The following ADGRV1 variants were observed in gnomAD, a reference collection of about 807,000 sequenced individuals.
ADGRV1 encodes adhesion G protein-coupled receptor V1.
ADGRV1 carries 359 observed loss-of-function variants against 596.2 expected under a neutral mutation model. The ratio of observed to expected loss-of-function variants is 0.60; its 90% CI spans 0.55 to 0.66. ADGRV1 has a LOEUF of 0.66. Ranked by LOEUF, ADGRV1 falls within the 30% of genes least tolerant of loss-of-function variation. The probability of loss-of-function intolerance (pLI) is 0.00; values close to 1 mark genes in which losing one functional copy is unlikely to be tolerated. For synonymous variants in ADGRV1, 2,681 were observed against 2,679.2 expected, an observed-to-expected ratio of 1.00 and a Z score of -0.02; for missense variants, 7,274 against 7,575.6, an observed-to-expected ratio of 0.96 and a Z score of 1.48.
In ADGRV1 at chr5:90,910,551, TTATCTATCTATCTATCTATC is replaced by T. The variant is rs58713482; in HGVS notation, c.17856+46726_17856+46745del. On this transcript the variant is annotated intron_variant, in intron 83 of 89. Coordinates refer to ENST00000405460, the MANE Select transcript of ADGRV1 (RefSeq NM_032119.4). ...CTATGTTTAGTTTTATATATATATA[TTATCTATCTATCTATCTATC>T]TATCTATCTATCTATCTATCTATCT... 3.7e-3 allele frequency among the ~76,000 whole-genome samples: 546 copies of T among 147,194 alleles called. 11 individuals carry two copies. In the East Asian group the frequency reaches 0.063, roughly 17 times the overall value.
At chr5:90,815,891 A>G (rs1762845588) in intron 75 of ADGRV1, among the ~76,000 whole-genome samples, 155 bp downstream of exon 75, 1 of 152,190 alleles carries the variant, frequency 6.6e-6, no homozygotes, top group Non-Finnish European at 1.5e-5. Flanking sequence ...ATTTGTGATT[A>G]TGGTACTTCG....
rs543759121 is a variant in ADGRV1 at position 90,660,978 on chromosome 5, T to C, written c.4752+2700T>C. 9.9e-5 allele frequency among the ~76,000 whole-genome samples: 15 copies of C among 152,216 alleles called. No individual in the cohort carries two copies. In the East Asian group the frequency reaches 1.4e-3, roughly 14 times the overall value. On this transcript the variant is annotated intron_variant, in intron 21 of 89. Coordinates refer to ENST00000405460, the MANE Select transcript of ADGRV1 (RefSeq NM_032119.4). ...AGAGCAGGTGCTTAATAAACTATAA[T>C]TGAAAGAATGAATAAAACCTGTGAA...
chr5:90,979,230 G>T (rs138897718), intron 84 of ADGRV1, among the ~76,000 whole-genome samples: 3 of 151,274 alleles, frequency 2.0e-5, no homozygotes, highest in Admixed American at 2.0e-4. Context: ...GTGCAGTGGC[G>T]CAGTCTCGGC....
At chr5:90,954,140 A>G (rs1020417930) in intron 83 of ADGRV1, among the ~76,000 whole-genome samples, 1 of 151,092 alleles carries the variant, frequency 6.6e-6, no homozygotes, top group African/African-American at 2.4e-5. Flanking sequence ...AACCTTGTGT[A>G]AAATATTGGG....
chr5:90,982,489 A>G (rs934939208), intron 84 of ADGRV1, among the ~76,000 whole-genome samples: 2 of 152,214 alleles, frequency 1.3e-5, no homozygotes, highest in African/African-American at 4.8e-5. Context: ...GGGTGGAAGA[A>G]GAAAGAAAAA....
rs374664226 is a variant in ADGRV1 at position 90,756,580 on chromosome 5, A to G, written c.11707A>G (p.Ile3903Val). Reference protein sequence around the residue: ...RPGMEIAEIMIEENDDPRGIF... With the variant: ...RPGMEIAEIMVEENDDPRGIF... ...CGGAATGGAAATAGCTGAGATAATG[A>G]TAGAAGAAAATGACGATCCCAGAGG... The change falls in exon 56 of 90, where the codon ATA (isoleucine) becomes GTA (valine). Residue 3903 changes from isoleucine to valine, a missense_variant. Coordinates refer to ENST00000405460, the MANE Select transcript of ADGRV1 (RefSeq NM_032119.4). 5 of 1,613,826 alleles carry G rather than the reference A, an allele frequency of 3.1e-6. No individual in the cohort carries two copies. The Admixed American group carries it at 5.0e-5, about 16-fold the overall frequency.
intron 89 of ADGRV1, among the ~76,000 whole-genome samples, chr5:91,156,302 A>T (rs368666060): frequency 1.1e-3 from 166 of 152,366 alleles, no homozygotes; most frequent in African/African-American, 3.3e-3. Context: ...CAGGAATGTT[A>T]TAGATAATAC....
At chr5:90,874,730 C>G (rs1769054448) in intron 83 of ADGRV1, among the ~76,000 whole-genome samples, 1 of 151,904 alleles carries the variant, frequency 6.6e-6, no homozygotes, top group Non-Finnish European at 1.5e-5. Flanking sequence ...TGGTGGCATG[C>G]ACCTGTAGTC....
intron 74 of ADGRV1, among the ~76,000 whole-genome samples, 167 bp downstream of exon 74, chr5:90,811,505 T>C (rs1161862781): frequency 1.3e-5 from 2 of 152,202 alleles, no homozygotes; most frequent in Non-Finnish European, 2.9e-5. Flanking sequence ...CATGAACTCA[T>C]GATGTGCTGT....
Position 90,637,816 on chromosome 5 carries a change from C to T in ADGRV1, c.2108C>T (p.Thr703Ile). The T allele has an allele frequency of 5.0e-6, 8 of 1,613,612 alleles. No homozygotes were observed. Among genetic ancestry groups the T allele is most frequent in the Non-Finnish European group, 6.8e-6 (8 of 1,179,732 alleles). ...KPSGFNSKAV[T>I]PDDIGPFNGS... is the part of the protein sequence containing the mutation. ...TCTGGCTTTAATTCAAAAGCAGTGA[C>T]CCCGGATGATATAGGCCCCTTTAAT... The change falls in exon 11 of 90, where the codon ACC (threonine) becomes ATC (isoleucine). Residue 703 changes from threonine (T) to isoleucine (I), a missense_variant. Coordinates refer to ENST00000405460, the MANE Select transcript of ADGRV1 (RefSeq NM_032119.4).
chr5:91,040,182 C>G (rs1173252149), intron 85 of ADGRV1, among the ~76,000 whole-genome samples: 1 of 152,074 alleles, frequency 6.6e-6, no homozygotes. Flanking sequence ...CTATTTTTCT[C>G]TTTGCATCCA....
At chr5:90,702,524 A>T (rs1386675290) in intron 34 of ADGRV1, among the ~76,000 whole-genome samples, 1 of 151,942 alleles carries the variant, frequency 6.6e-6, no homozygotes, top group African/African-American at 2.4e-5. Context: ...ATGGTCTCTA[A>T]ATTAATTAAT....
chr5:90,921,596 G>T (rs1463963263), intron 83 of ADGRV1, among the ~76,000 whole-genome samples: 1 of 151,922 alleles, frequency 6.6e-6, no homozygotes, highest in Non-Finnish European at 1.5e-5. Context: ...TCAAATAATG[G>T]CACACTATCA....
chr5:91,075,194 TC>T (rs2126454329), intron 86 of ADGRV1, among the ~76,000 whole-genome samples: 1 of 152,258 alleles, frequency 6.6e-6, no homozygotes, highest in East Asian at 1.9e-4. Flanking sequence ...TTTAATTAGG[TC>T]CCATTTCAGA....
At chr5:90,865,951 G>C (rs1451230346) in intron 83 of ADGRV1, among the ~76,000 whole-genome samples, 1 of 151,998 alleles carries the variant, frequency 6.6e-6, no homozygotes, top group Non-Finnish European at 1.5e-5. Context: ...ATGTTATATT[G>C]TCATTTTTGG....
chr5:91,080,682 GC>G (rs1303272500), intron 86 of ADGRV1, among the ~76,000 whole-genome samples: 17 of 148,560 alleles, frequency 1.1e-4, no homozygotes, highest in Admixed American at 9.5e-4. Flanking sequence ...AAGAAAGATT[GC>G]CCCTCTTTAT....
chr5:90,706,162 A>C lies in ADGRV1; in HGVS notation c.8567-69A>C, dbSNP rs1748563032. ...AAAGGTGCTTTTAGGAAAGGCAAAA[A>C]ATTCACAAGGGGATATTATTGTAAA... On this transcript the variant is annotated intron_variant, in intron 37 of 89. Coordinates refer to ENST00000405460, the MANE Select transcript of ADGRV1 (RefSeq NM_032119.4). 3 of 1,442,756 alleles carry C rather than the reference A, an allele frequency of 2.1e-6. No individual in the cohort carries two copies. In the Admixed American group the frequency reaches 6.7e-5, roughly 32 times the overall value. 89.4% of individuals were successfully genotyped at this position (1,442,756 alleles called of 1,614,324 possible).
intron 83 of ADGRV1, among the ~76,000 whole-genome samples, chr5:90,921,924 G>C (rs1156375360): frequency 1.3e-4 from 20 of 151,716 alleles, no homozygotes; most frequent in Admixed American, 1.3e-3. Context: ...GTGGGAGAGA[G>C]GACAGTGCAA....
At chr5:90,620,745 T>C (rs1247633413) in intron 4 of ADGRV1, among the ~76,000 whole-genome samples, 2 of 152,328 alleles carry the variant, frequency 1.3e-5, no homozygotes, top group East Asian at 3.9e-4. Context: ...AACAGGTAAG[T>C]CTTTAATCTA....
Sources: gnomAD v4.1 joint callset for allele counts (sites outside exome capture counted in the v4.1 genomes callset) on GRCh38, gnomAD v4.1.1 for gene constraint, MANE v1.5 for transcripts, NCBI Gene and HGNC (gene_info 2026-07-23, HGNC 2026-07-21) for gene names.